Variants in PSG11 observed in about 807,000 individuals in gnomAD.
PSG11 encodes pregnancy-specific beta-1-glycoprotein 11.
PSG11 carries 42 observed loss-of-function variants against 36.0 expected under a neutral mutation model. The observed-to-expected ratio is 1.17, with a 90% confidence interval of 0.91 to 1.51. PSG11 has a LOEUF of 1.51. Ranked by LOEUF, PSG11 falls within the 40% of genes most tolerant of loss-of-function variation. The pLI, the probability that PSG11 is intolerant of heterozygous loss-of-function variation, is 0.00. For missense variants in PSG11, 558 were observed against 403.5 expected, an observed-to-expected ratio of 1.38 and a Z score of -3.28; for synonymous variants, 206 against 153.5, an observed-to-expected ratio of 1.34 and a Z score of -2.53.
At chr19:43,025,936 CTTTTT>C (rs1195259262) in intron 1 of PSG11, among the ~76,000 whole-genome samples, 229 of 68,092 alleles carry the variant, frequency 3.4e-3, no homozygotes, top group African/African-American at 0.014. Flanking sequence ...TTTTTTTTCT[CTTTTT>C]TTTTTTTTTT....
At chr19:43,010,232 T>G (rs1296484906) in intron 4 of PSG11, 191 bp from the exon 5 acceptor site, 1 of 1,454,086 alleles carries the variant, frequency 6.9e-7, no homozygotes, top group African/African-American at 1.4e-5. Flanking sequence ...GTTTCTCAGT[T>G]GGTGATCAGT....
chr19:43,024,370 G>T, intron 2 of PSG11: 2 of 461,372 alleles, frequency 4.3e-6, no homozygotes, highest in Non-Finnish European at 7.5e-6. Context: ...ATTCTACTCA[G>T]TTCTCCAGGG....
chr19:43,011,062 G>A (rs2122785578), intron 4 of PSG11, among the ~76,000 whole-genome samples: 1 of 151,112 alleles, frequency 6.6e-6, no homozygotes, highest in Non-Finnish European at 1.5e-5. Context: ...AGCTTAGCGT[G>A]CTGTAAAAAC....
At chr19:43,010,218 C>G in intron 4 of PSG11, 177 bp from the exon 5 acceptor site, 1 of 1,451,802 alleles carries the variant, frequency 6.9e-7, no homozygotes, top group East Asian at 2.5e-5. Flanking sequence ...TTCCCTCTCA[C>G]CATGTTTCTC....
Position 43,018,777 on chromosome 19 carries a change from A to T in PSG11, c.702T>A (p.Asn234Lys). The change falls in exon 3 of 6, where the codon AAT (asparagine) becomes AAA (lysine). Residue 234 changes from asparagine to lysine, a missense_variant. Transcript: ENST00000320078. ...GGAACAGAAGATACTCACGGAGGAG[A>T]TTCAGGGTGACTGGGTCACTGCGGC... ...SASRSDPVTLNLLHGPDLPRI... is the reference protein window; with the variant it reads ...SASRSDPVTLKLLHGPDLPRI... The T allele has an allele frequency of 6.2e-7, 1 of 1,612,010 alleles. No homozygotes were observed. Among genetic ancestry groups the T allele is most frequent in the Non-Finnish European group, 8.5e-7 (1 of 1,179,020 alleles).
At chr19:43,010,292 G>C (rs577659017) in intron 4 of PSG11, 8 of 1,481,532 alleles carry the variant, frequency 5.4e-6, no homozygotes, top group African/African-American at 4.3e-5. Context: ...GCTTTCAGAC[G>C]TGAGAAAGGC....
intron 1 of PSG11, chr19:43,025,451 C>A: frequency 4.5e-6 from 1 of 220,204 alleles, no homozygotes; most frequent in Non-Finnish European, 9.0e-6. Context: ...CCTTTCTGAC[C>A]TTTCCCTGCT....
Position 43,015,124 on chromosome 19 carries a change from C to G in PSG11, c.956G>C (p.Arg319Thr). ...TGCTGGGATCCACTTACCAATGACT[C>G]TGATTGTCAAGGATGTGGAGCTTTC... ...GEESSTSLTIRVIAPPGLGTF... is the reference protein window; with the variant it reads ...GEESSTSLTITVIAPPGLGTF... The change falls in exon 4 of 6, where the codon AGA becomes ACA. Residue 319 changes from arginine (R) to threonine (T), a missense_variant. Physicochemically the swap from Arg to Thr is moderately conservative, Grantham distance 71 (BLOSUM62 -1). Coordinates refer to ENST00000320078, the MANE Select transcript of PSG11 (RefSeq NM_002785.3). 1 of 1,611,960 alleles carries G rather than the reference C, an allele frequency of 6.2e-7. No individual in the cohort carries two copies. Among genetic ancestry groups the G allele is most frequent in the Non-Finnish European group, 8.5e-7 (1 of 1,178,968 alleles).
intron 4 of PSG11, among the ~76,000 whole-genome samples, chr19:43,013,064 C>G (rs533826111): frequency 6.6e-5 from 10 of 151,370 alleles, no homozygotes; most frequent in Non-Finnish European, 1.0e-4. Flanking sequence ...ATTGGGAAAG[C>G]TGGATATCCA....
chr19:43,017,080 G>T (rs1962505), intron 3 of PSG11, among the ~76,000 whole-genome samples: 82,187 of 150,898 alleles, frequency 0.54, 24,343 homozygotes, highest in East Asian at 0.99. Flanking sequence ...ACTGCTGGTT[G>T]CCAGGAGCTG....
Position 43,023,182 on chromosome 19 carries a change from G to A in PSG11, c.430+1509C>T, listed in dbSNP as rs1233906536. ...GGTGGCTTTAGGGGCAAGAGGTAGTGGGGGGATGAAACATGGGTGTCAGCC... is the reference window on the plus strand; with the variant it reads ...GGTGGCTTTAGGGGCAAGAGGTAGTAGGGGGATGAAACATGGGTGTCAGCC... On this transcript the variant is annotated intron_variant, in intron 2 of 5. Coordinates refer to ENST00000320078, the MANE Select transcript of PSG11 (RefSeq NM_002785.3). Among the ~76,000 whole-genome samples the A allele has an allele frequency of 2.7e-5, 4 of 150,196 alleles. 1 individual carries two copies. Among genetic ancestry groups the A allele is most frequent in the South Asian group, 2.1e-4 (1 of 4,718 alleles).
chr19:43,015,007 G>T (rs1966921994), intron 4 of PSG11, 109 bp downstream of exon 4: 1 of 1,593,848 alleles, frequency 6.3e-7, no homozygotes, highest in African/African-American at 1.4e-5. Context: ...GGATTTGCCT[G>T]TGCCCATGGG....
rs1029723237 is a variant in PSG11, at chr19:43,024,634, G to A, written c.430+57C>T. 138 of 1,608,586 alleles carry A rather than the reference G, an allele frequency of 8.6e-5. 6 individuals are homozygous for A. Among genetic ancestry groups the A allele is most frequent in the Non-Finnish European group, 1.1e-4 (131 of 1,176,994 alleles). ...GTCCAGGCCTGACAATCCTGTGTGT[G>A]TGATGTAGAAGTGACCCCTGTCCCC... On this transcript the variant is annotated intron_variant, in intron 2 of 5. Coordinates refer to ENST00000320078, the MANE Select transcript of PSG11 (RefSeq NM_002785.3).
intron 4 of PSG11, among the ~76,000 whole-genome samples, chr19:43,013,591 T>C (rs2122792943): frequency 6.6e-6 from 1 of 151,390 alleles, no homozygotes; most frequent in African/African-American, 2.4e-5. Flanking sequence ...ATGGTTTTGA[T>C]AAACAATAAC....
intron 4 of PSG11, chr19:43,014,590 C>T (rs1406219442): frequency 9.8e-7 from 1 of 1,021,220 alleles, no homozygotes; most frequent in Non-Finnish European, 1.2e-6. Context: ...GCTGGTCCCA[C>T]CCCAGGTTGA....
intron 2 of PSG11, among the ~76,000 whole-genome samples, chr19:43,020,791 A>G (rs1300075168): frequency 1.3e-5 from 2 of 151,082 alleles, no homozygotes; most frequent in Admixed American, 6.6e-5. Context: ...GATGTGTGTT[A>G]TGTTAGTAAA....
Position 43,020,370 on chromosome 19 carries a change from T to C in PSG11, c.431-1322A>G, listed in dbSNP as rs1450030137. Among the ~76,000 whole-genome samples, 2 of 151,336 alleles carry C rather than the reference T, an allele frequency of 1.3e-5. 1 individual carries two copies. Among genetic ancestry groups the C allele is most frequent in the African/African-American group, 4.9e-5 (2 of 40,984 alleles). On this transcript the variant is annotated intron_variant, in intron 2 of 5. Coordinates refer to ENST00000320078, the MANE Select transcript of PSG11 (RefSeq NM_002785.3). ...TTAGCATCACATCAGTGGTCAGAAG[T>C]GTAAAGTTTTGGAGCATTTCAGATT... is the stretch of plus-strand genomic sequence containing the variant.
intron 4 of PSG11, among the ~76,000 whole-genome samples, chr19:43,013,121 A>G (rs1474165354): frequency 6.6e-6 from 1 of 151,332 alleles, no homozygotes; most frequent in East Asian, 1.9e-4. Flanking sequence ...TACAAAAATT[A>G]ACCCACAATA....
intron 5 of PSG11, 26 bp from the exon 6 acceptor site, chr19:43,008,068 G>A (rs1191293914): frequency 5.5e-6 from 2 of 361,840 alleles, no homozygotes; most frequent in Non-Finnish European, 1.0e-5. Context: ...ATTTTGGACT[G>A]TAGCTGATTT....
Sources: allele counts gnomAD v4.1 joint callset (sites outside exome capture counted in the v4.1 genomes callset), GRCh38; gene constraint gnomAD v4.1.1; transcripts MANE v1.5; gene names NCBI Gene and HGNC (gene_info 2026-07-23, HGNC 2026-07-21).